Variants in SLC9C2 observed in about 807,000 individuals in gnomAD.
SLC9C2 encodes solute carrier family 9 member C2 (putative).
A neutral mutation model predicts 140.2 loss-of-function variants in SLC9C2; 75 were observed. The ratio of observed to expected loss-of-function variants is 0.53; its 90% CI spans 0.44 to 0.65. The LOEUF is 0.65. Among genes scored for constraint, SLC9C2 ranks in the 30% least tolerant of loss-of-function variants. The probability of loss-of-function intolerance (pLI) is 0.00; values close to 1 mark genes in which losing one functional copy is unlikely to be tolerated. For synonymous variants in SLC9C2, 375 were observed against 420.9 expected (o/e 0.89, Z 1.34); for missense variants, 1,074 against 1,331.8 (o/e 0.81, Z 3.01).
At chr1:173,523,785 T>C (rs955569765) in intron 21 of SLC9C2, among the ~76,000 whole-genome samples, 184 bp downstream of exon 21, 12 of 152,254 alleles carry the variant, frequency 7.9e-5, no homozygotes, top group South Asian at 2.1e-4. Flanking sequence ...TGTGAAAAAC[T>C]ATCTTTGCCC....
chr1:173,527,872 C>T (rs180739846), intron 18 of SLC9C2, among the ~76,000 whole-genome samples: 61 of 152,250 alleles, frequency 4.0e-4, no homozygotes, highest in African/African-American at 1.4e-3. Context: ...ATGAATCCCT[C>T]ATTTTGAATA....
chr1:173,548,699 C>A, intron 11 of SLC9C2, 147 bp from the exon 12 acceptor site: 1 of 785,384 alleles, frequency 1.3e-6, no homozygotes, highest in Non-Finnish European at 2.0e-6. Flanking sequence ...TCATACAAAA[C>A]TTTCCAGAAG....
chr1:173,589,069 C>A (rs114207021), intron 4 of SLC9C2, among the ~76,000 whole-genome samples: 1 of 152,148 alleles, frequency 6.6e-6, no homozygotes, highest in African/African-American at 2.4e-5. Context: ...CAGAGAAAGA[C>A]CCTGTCTCTA....
intron 22 of SLC9C2, 39 bp downstream of exon 22, chr1:173,521,262 T>C: frequency 8.9e-7 from 1 of 1,127,476 alleles, no homozygotes; most frequent in Admixed American, 3.1e-5. Flanking sequence ...CAAAATACAT[T>C]TTAAGTAAAA....
chr1:173,521,498 T>TATATAC (rs3052166), intron 21 of SLC9C2, 99 bp from the exon 22 acceptor site: 3 of 287,652 alleles, frequency 1.0e-5, no homozygotes, highest in Non-Finnish European at 1.9e-5. Context: ...TATATATATA[T>TATATAC]GATTTTATTA....
intron 6 of SLC9C2, among the ~76,000 whole-genome samples, chr1:173,582,496 C>T (rs2102220419): frequency 6.6e-6 from 1 of 152,270 alleles, no homozygotes. Flanking sequence ...TAGTGGCAGT[C>T]AGTGGGTAGC....
intron 20 of SLC9C2, among the ~76,000 whole-genome samples, 181 bp from the exon 21 acceptor site, chr1:173,524,275 T>C (rs972186930): frequency 6.6e-6 from 1 of 152,190 alleles, no homozygotes; most frequent in African/African-American, 2.4e-5. Context: ...TCTCCCCTTA[T>C]TACTATTTTC....
In SLC9C2 at chr1:173,548,703, C is replaced by G. The variant is rs1663042542; in HGVS notation, c.1298-151G>C. 4 of 741,088 alleles carry G rather than the reference C, an allele frequency of 5.4e-6. No individual in the cohort carries two copies. In the Admixed American group the frequency reaches 1.1e-4, roughly 21 times the overall value. 45.9% of individuals were successfully genotyped at this position (741,088 alleles called of 1,614,324 possible). A position where few individuals can be genotyped will look rare whatever the true frequency, so the allele number is the denominator to read the frequency against. On this transcript the variant is annotated intron_variant, in intron 11 of 27. Transcript: ENST00000367714. ...AGGACAATTTTTCATACAAAACTTTCCAGAAGATTACCCAACTATTTGTTT... is the reference window on the plus strand; with the variant it reads ...AGGACAATTTTTCATACAAAACTTTGCAGAAGATTACCCAACTATTTGTTT...
Position 173,548,621 on chromosome 1 carries a change from T to A in SLC9C2, c.1298-69A>T, listed in dbSNP as rs934877814. ...GGACTGCAAGGGAAAGCAAAAAATG[T>A]TGCATGATCATGTAGTGAAATCTTG... On this transcript the variant is annotated intron_variant, in intron 11 of 27. Transcript: ENST00000367714. 1.5e-5 allele frequency: 24 copies of A among 1,556,494 alleles called. No homozygotes were observed. The Admixed American group carries it at 3.9e-4, about 25-fold the overall frequency.
chr1:173,532,778 G>C (rs1327826156), intron 17 of SLC9C2, among the ~76,000 whole-genome samples: 1 of 152,094 alleles, frequency 6.6e-6, no homozygotes, highest in Non-Finnish European at 1.5e-5. Context: ...CGAGTATGGT[G>C]GTTCATGCCT....
At chr1:173,579,015 G>A (rs769367177) in intron 7 of SLC9C2, among the ~76,000 whole-genome samples, 31 of 152,206 alleles carry the variant, frequency 2.0e-4, no homozygotes, top group Non-Finnish European at 4.1e-4. Flanking sequence ...GCGGCACAGC[G>A]CTGCCTTGAA....
chr1:173,524,893 A>G lies in SLC9C2; in HGVS notation c.2400T>C (p.Ile800=). 1 of 1,614,122 alleles carries G rather than the reference A, an allele frequency of 6.2e-7. No homozygotes were observed. The highest frequency in any genetic ancestry group is 1.1e-5 in the South Asian group (1 of 91,076). The change falls in exon 20 of 28, where the codon ATT becomes ATC. Residue 800 remains isoleucine (I), a synonymous_variant. Transcript: ENST00000367714. The stretch of plus-strand genomic sequence containing the variant: ...GGATTGCCTGTTTAGTCTTCAAAGC[A>G]ATGACAACATCACGACCCTCATGCT... ...LMEHEGRDVV[I]ALKTKQAIRN... is the part of the protein sequence containing the mutation.
chr1:173,524,666 T>C, intron 20 of SLC9C2, 113 bp downstream of exon 20: 1 of 1,125,574 alleles, frequency 8.9e-7, no homozygotes, highest in Non-Finnish European at 1.3e-6. Context: ...TGAAGGTGAT[T>C]ATAGAGTTAA....
At chr1:173,548,265 A>G in intron 12 of SLC9C2, 124 bp downstream of exon 12, 1 of 959,964 alleles carries the variant, frequency 1.0e-6, no homozygotes, top group Non-Finnish European at 1.5e-6. Flanking sequence ...CAAAGCCAGT[A>G]ACTATCTCCC....
intron 16 of SLC9C2, 21 bp downstream of exon 16, chr1:173,534,463 T>G: frequency 6.5e-7 from 1 of 1,528,986 alleles, no homozygotes; most frequent in Non-Finnish European, 8.7e-7. Flanking sequence ...TTATAGATTC[T>G]ATTTCTATTT....
chr1:173,587,051 T>C (rs1199746364), intron 5 of SLC9C2, among the ~76,000 whole-genome samples: 1 of 151,950 alleles, frequency 6.6e-6, no homozygotes, highest in Non-Finnish European at 1.5e-5. Context: ...AACCTGACAA[T>C]AGGGGGATAT....
intron 9 of SLC9C2, among the ~76,000 whole-genome samples, chr1:173,558,183 T>C (rs533006830): frequency 2.0e-4 from 30 of 152,300 alleles, no homozygotes; most frequent in African/African-American, 6.7e-4. Context: ...AAAAAAATAT[T>C]GTGTGTCAGT....
chr1:173,546,778 A>T (rs1221432017), intron 13 of SLC9C2, among the ~76,000 whole-genome samples: 2 of 152,166 alleles, frequency 1.3e-5, no homozygotes, highest in Non-Finnish European at 2.9e-5. Context: ...ACAATTGGAA[A>T]TCTTACCACT....
At position 173,524,914 on chromosome 1, in the gene SLC9C2, A is replaced by G. The variant is rs1393644856; in HGVS notation, c.2379T>C (p.His793=). 1.9e-6 allele frequency: 3 copies of G among 1,613,946 alleles called. No homozygotes were observed. Among genetic ancestry groups the G allele is most frequent in the African/African-American group, 1.3e-5 (1 of 74,924 alleles). The change falls in exon 20 of 28, where the codon CAT becomes CAC. Residue 793 remains histidine (H), a synonymous_variant. Transcript: ENST00000367714. ...DAVKELVLME[H]EGRDVVIALK... is the part of the protein sequence containing the mutation. Reference sequence around the variant, plus strand: ...AAGCAATGACAACATCACGACCCTCATGCTCCATGAGTACTACAGCAAAGA... The same window carrying G: ...AAGCAATGACAACATCACGACCCTCGTGCTCCATGAGTACTACAGCAAAGA...
Sources: gnomAD v4.1 joint callset for allele counts (sites outside exome capture counted in the v4.1 genomes callset) on GRCh38, gnomAD v4.1.1 for gene constraint, MANE v1.5 for transcripts, NCBI Gene and HGNC (gene_info 2026-07-23, HGNC 2026-07-21) for gene names.